HS1BP3: variants seen among roughly 807,000 people sequenced by gnomAD.
The protein encoded by HS1BP3 is HCLS1 binding protein 3.
In HS1BP3, 32 loss-of-function variants were observed where a neutral mutation model predicts 33.5. That is an observed-to-expected ratio of 0.95 (90% CI 0.72 to 1.28). HS1BP3 has a LOEUF of 1.28. HS1BP3 is among the 50% of genes most tolerant of loss of function. The pLI, the probability that HS1BP3 is intolerant of heterozygous loss-of-function variation, is 0.00. For synonymous variants in HS1BP3, 187 were observed against 209.2 expected (o/e 0.89, Z 0.92); for missense variants, 486 against 502.3 (o/e 0.97, Z 0.31).
intron 5 of HS1BP3, among the ~76,000 whole-genome samples, chr2:20,580,176 G>A (rs1251273735): frequency 6.6e-6 from 1 of 152,266 alleles, no homozygotes; most frequent in Non-Finnish European, 1.5e-5. Flanking sequence ...GCAAGGCAAG[G>A]CTGAGGGCCT....
chr2:20,648,464 A>C (rs1005151284), intron 1 of HS1BP3, among the ~76,000 whole-genome samples: 1 of 152,190 alleles, frequency 6.6e-6, no homozygotes, highest in African/African-American at 2.4e-5. Context: ...CAGTGGGCAC[A>C]GTCAGCCACT....
chr2:20,597,116 C>T (rs904465530), intron 3 of HS1BP3, among the ~76,000 whole-genome samples: 1 of 152,234 alleles, frequency 6.6e-6, no homozygotes, highest in Non-Finnish European at 1.5e-5. Context: ...TATGACATGG[C>T]CTCAGAACAT....
At chr2:20,579,644 C>A (rs1483338669) in intron 5 of HS1BP3, among the ~76,000 whole-genome samples, 4 of 152,180 alleles carry the variant, frequency 2.6e-5, no homozygotes, top group African/African-American at 9.7e-5. Context: ...TGGGGGCCCA[C>A]TGAGCTGCCT....
At chr2:20,610,825 C>T (rs146666193) in intron 2 of HS1BP3, among the ~76,000 whole-genome samples, 25 of 152,286 alleles carry the variant, frequency 1.6e-4, no homozygotes, top group African/African-American at 4.8e-4. Flanking sequence ...ATATAATTCG[C>T]GTATAATCAA....
chr2:20,649,897 C>G (rs1362201503), intron 1 of HS1BP3, among the ~76,000 whole-genome samples: 1 of 152,204 alleles, frequency 6.6e-6, no homozygotes, highest in Non-Finnish European at 1.5e-5. Context: ...TCCCAAGCAC[C>G]CAGCACCAAA....
Position 20,623,950 on chromosome 2 carries a change from C to T in HS1BP3, c.866G>A (p.Ser289Asn). The change falls in exon 6 of 7, where the codon AGT (serine) becomes AAT (asparagine). Residue 289 changes from serine to asparagine, a missense_variant. By Grantham distance (46) the Ser-to-Asn change is conservative. Coordinates refer to ENST00000304031, the MANE Select transcript of HS1BP3 (RefSeq NM_022460.4). ...GCTGAGGCTGGGTGTGGGCCCTCCA[C>T]TCTCACAGGCGGCTGGCAGCAGGAG... ...DSLLLPAACE[S>N]GGPTPSLSHR... The T allele has an allele frequency of 6.2e-7, 1 of 1,612,682 alleles. No individual in the cohort carries two copies. Among genetic ancestry groups the T allele is most frequent in the Non-Finnish European group, 8.5e-7 (1 of 1,179,914 alleles).
chr2:20,619,080 C>A lies in HS1BP3; in HGVS notation c.1086G>T (p.Pro362=), dbSNP rs34708707. Residue 362 remains proline, a synonymous_variant, in exon 7 of 7, where the codon CCG becomes CCT. Coordinates refer to ENST00000304031, the MANE Select transcript of HS1BP3 (RefSeq NM_022460.4). ...CGTCCATGGCTTGGATCTGCTCCTG[C>A]GGCTTCTGCTGCCCAGCCACAGCTT... is the stretch of plus-strand genomic sequence containing the variant. ...PAEAVAGQQK[P]QEQIQAMDEM... 1 of 1,614,082 alleles carries A rather than the reference C, an allele frequency of 6.2e-7. No homozygotes were observed. The highest frequency in any genetic ancestry group is 8.5e-7 in the Non-Finnish European group (1 of 1,180,010).
intron 1 of HS1BP3, among the ~76,000 whole-genome samples, chr2:20,647,074 A>C (rs1475661096): frequency 6.6e-6 from 1 of 152,054 alleles, no homozygotes; most frequent in Admixed American, 6.5e-5. Context: ...CAGGGGGGTG[A>C]AAGTGACAAG....
downstream of HS1BP3, among the ~76,000 whole-genome samples, chr2:20,615,041 C>A (rs1694395107): frequency 6.6e-6 from 1 of 152,250 alleles, no homozygotes; most frequent in Non-Finnish European, 1.5e-5. Flanking sequence ...GAGCTGTTGA[C>A]AGGCCTGTTG....
At chr2:20,639,292 T>C (rs534186331) in intron 3 of HS1BP3, among the ~76,000 whole-genome samples, 1 of 152,256 alleles carries the variant, frequency 6.6e-6, no homozygotes, top group African/African-American at 2.4e-5. Context: ...CACAATGAGG[T>C]AAGTAGAGAA....
intron 5 of HS1BP3, among the ~76,000 whole-genome samples, chr2:20,581,472 C>A (rs1693530683): frequency 6.6e-6 from 1 of 152,180 alleles, no homozygotes; most frequent in South Asian, 2.1e-4. Context: ...CCCTCAGCCT[C>A]CCAAGTAGCT....
At chr2:20,596,186 C>A (rs1413136930) in intron 3 of HS1BP3, among the ~76,000 whole-genome samples, 4 of 152,218 alleles carry the variant, frequency 2.6e-5, no homozygotes, top group Non-Finnish European at 4.4e-5. Flanking sequence ...CTGGGTGTAC[C>A]AGATACCTCT....
chr2:20,595,942 C>T (rs951925155), intron 3 of HS1BP3, among the ~76,000 whole-genome samples: 1 of 152,206 alleles, frequency 6.6e-6, no homozygotes, highest in Non-Finnish European at 1.5e-5. Flanking sequence ...TGACAGTTTC[C>T]CACGTTCTTT....
intron 5 of HS1BP3, among the ~76,000 whole-genome samples, chr2:20,570,007 C>T (rs368080218): frequency 6.6e-6 from 1 of 152,182 alleles, no homozygotes; most frequent in Non-Finnish European, 1.5e-5. Flanking sequence ...CTGGCCTCAG[C>T]CTGAGAGAAG....
At position 20,624,745 on chromosome 2, in the gene HS1BP3, C is replaced by T. The variant is rs779077906; in HGVS notation, c.771G>A (p.Val257=). 9 of 1,601,818 alleles carry T rather than the reference C, an allele frequency of 5.6e-6. No individual in the cohort carries two copies. The highest frequency in any genetic ancestry group is 1.7e-5 in the Admixed American group (1 of 57,666). The change falls in exon 5 of 7, where the codon GTG becomes GTA. Residue 257 remains valine, a synonymous_variant. Coordinates refer to ENST00000304031, the MANE Select transcript of HS1BP3 (RefSeq NM_022460.4). ...GGCTCTACTTACGGTCCACGGATGA[C>T]ACGTCCTCCGAGGGGTCCTGTGGAG... ...KLSPQDPSED[V]SSVDPLKLFD...
rs1173727390 is a variant in HS1BP3, at chr2:20,638,730, C to A, written c.407-78G>T. On this transcript the variant is annotated intron_variant, in intron 3 of 6. Coordinates refer to ENST00000304031, the MANE Select transcript of HS1BP3 (RefSeq NM_022460.4). ...GAGGCATCTTGCCACACTGCACCCT[C>A]CCATGCCAGGATCTGAGGCCGAGGG... The A allele has an allele frequency of 2.2e-5, 25 of 1,141,674 alleles. No homozygotes were observed. In the South Asian group the frequency reaches 3.6e-4, roughly 17 times the overall value. The allele number at this position is 1,141,674 out of a possible 1,614,324, so 70.7% of individuals were successfully genotyped here.
downstream of HS1BP3, among the ~76,000 whole-genome samples, chr2:20,559,702 G>A (rs938295998): frequency 5.4e-4 from 70 of 128,936 alleles, 1 homozygote; most frequent in African/African-American, 1.8e-3. Context: ...ATGGACGGGT[G>A]GGTGGGTGGA....
chr2:20,620,359 T>C (rs1026746105), intron 6 of HS1BP3, among the ~76,000 whole-genome samples: 2 of 152,138 alleles, frequency 1.3e-5, no homozygotes, highest in East Asian at 1.9e-4. Flanking sequence ...TTCTCTGGGG[T>C]GTGTTCCCCT....
chr2:20,645,395 C>T lies in HS1BP3; in HGVS notation c.143G>A (p.Arg48His), dbSNP rs777489598. 24 of 1,614,020 alleles carry T rather than the reference C, an allele frequency of 1.5e-5. No homozygotes were observed. The highest frequency in any genetic ancestry group is 1.1e-4 in the East Asian group (5 of 44,892). The change falls in exon 2 of 7, where the codon CGT (arginine) becomes CAT (histidine). Residue 48 changes from arginine to histidine, a missense_variant. Physicochemically the swap from Arg to His is conservative, Grantham distance 29. Coordinates refer to ENST00000304031, the MANE Select transcript of HS1BP3 (RefSeq NM_022460.4). ...CTTGGCCGACTTGAACGCAGCCAGA[C>T]GGGTCACCACCAGGATCTGGTACTC... Reference protein sequence around the residue: ...HVEYQILVVTRLAAFKSAKHR... With the variant: ...HVEYQILVVTHLAAFKSAKHR...
Sources: allele counts gnomAD v4.1 joint callset (sites outside exome capture counted in the v4.1 genomes callset), GRCh38; gene constraint gnomAD v4.1.1; transcripts MANE v1.5; gene names NCBI Gene and HGNC (gene_info 2026-07-23, HGNC 2026-07-21).